The following SLIT3 variants were observed in gnomAD, a reference collection of about 807,000 sequenced individuals.
SLIT3 encodes slit homolog 3 protein.
In SLIT3, 68 loss-of-function variants were observed where a neutral mutation model predicts 184.0. The observed-to-expected ratio is 0.37, with a 90% CI of 0.30 to 0.45. SLIT3 has a LOEUF of 0.45. Among genes scored for constraint, SLIT3 ranks in the 20% least tolerant of loss-of-function variants. The probability of loss-of-function intolerance (pLI) is 1.00; values close to 1 mark genes in which losing one functional copy is unlikely to be tolerated. For missense variants in SLIT3, 1,707 were observed against 2,026.0 expected (o/e 0.84, Z 3.02); for synonymous variants, 831 against 828.6 (o/e 1.00, Z -0.05).
intron 4 of SLIT3, among the ~76,000 whole-genome samples, chr5:169,149,754 T>C (rs1762050762): frequency 6.6e-6 from 1 of 152,210 alleles, no homozygotes; most frequent in Non-Finnish European, 1.5e-5. Flanking sequence ...TCCAACAGAT[T>C]CTTCTCTCCC....
At chr5:169,288,949 C>T (rs1767250496) in intron 1 of SLIT3, among the ~76,000 whole-genome samples, 1 of 152,182 alleles carries the variant, frequency 6.6e-6, no homozygotes, top group Non-Finnish European at 1.5e-5. Context: ...TGATCGTCTT[C>T]CAGATACAGG....
At chr5:169,092,442 T>C (rs1487945469) in intron 4 of SLIT3, among the ~76,000 whole-genome samples, 1 of 152,182 alleles carries the variant, frequency 6.6e-6, no homozygotes, top group Non-Finnish European at 1.5e-5. Context: ...TTCCATCCCA[T>C]TCCATTTTTA....
At chr5:168,716,499 C>T (rs928302949) in intron 23 of SLIT3, among the ~76,000 whole-genome samples, 80 of 152,242 alleles carry the variant, frequency 5.3e-4, no homozygotes, top group African/African-American at 1.8e-3. Context: ...ATTGTTATCA[C>T]TGTCATGACT....
At chr5:169,055,644 T>A (rs1339200549) in intron 4 of SLIT3, among the ~76,000 whole-genome samples, 1 of 152,034 alleles carries the variant, frequency 6.6e-6, no homozygotes, top group Admixed American at 6.6e-5. Context: ...ATCGAGACCA[T>A]CCTGGCCAAC....
intron 4 of SLIT3, among the ~76,000 whole-genome samples, chr5:169,108,765 A>G (rs1156370714): frequency 6.6e-6 from 1 of 151,864 alleles, no homozygotes; most frequent in Non-Finnish European, 1.5e-5. Flanking sequence ...CACTCTCACT[A>G]CTCTGCAATG....
intron 4 of SLIT3, among the ~76,000 whole-genome samples, chr5:169,104,570 G>A (rs1462378181): frequency 6.6e-6 from 1 of 152,200 alleles, no homozygotes; most frequent in Admixed American, 6.5e-5. Context: ...TGGATTGGCA[G>A]GTCAGCTTTC....
chr5:168,896,948 A>C (rs1760684812), intron 4 of SLIT3, among the ~76,000 whole-genome samples: 1 of 152,156 alleles, frequency 6.6e-6, no homozygotes, highest in African/African-American at 2.4e-5. Flanking sequence ...GGTGAGCTTC[A>C]AAGGGGTCCA....
intron 6 of SLIT3, among the ~76,000 whole-genome samples, chr5:168,827,196 C>T (rs1389615032): frequency 6.6e-6 from 1 of 152,192 alleles, no homozygotes; most frequent in African/African-American, 2.4e-5. Flanking sequence ...GAATGAGGCC[C>T]ATGTTAGTTT....
intron 12 of SLIT3, among the ~76,000 whole-genome samples, chr5:168,780,085 C>T (rs1755916190): frequency 6.6e-6 from 1 of 152,256 alleles, no homozygotes; most frequent in African/African-American, 2.4e-5. Context: ...CATCAAAAAT[C>T]ACTTTGGCAA....
At chr5:168,907,383 G>A (rs1561999547) in intron 4 of SLIT3, among the ~76,000 whole-genome samples, 2 of 152,250 alleles carry the variant, frequency 1.3e-5, no homozygotes, top group South Asian at 2.1e-4. Context: ...TTGATTGGTT[G>A]CAAATGTACC....
At chr5:168,910,255 A>G (rs1761209775) in intron 4 of SLIT3, among the ~76,000 whole-genome samples, 1 of 152,238 alleles carries the variant, frequency 6.6e-6, no homozygotes, top group Non-Finnish European at 1.5e-5. Context: ...TTCTGTTGTC[A>G]TAGAGCAATC....
intron 20 of SLIT3, among the ~76,000 whole-genome samples, chr5:168,730,217 A>G (rs1313929189): frequency 6.6e-6 from 1 of 152,116 alleles, no homozygotes; most frequent in Non-Finnish European, 1.5e-5. Context: ...GGAGAACTCA[A>G]ATAACACAAA....
At chr5:169,130,938 G>C (rs757600259) in intron 4 of SLIT3, among the ~76,000 whole-genome samples, 1 of 152,080 alleles carries the variant, frequency 6.6e-6, no homozygotes, top group African/African-American at 2.4e-5. Flanking sequence ...TGCAATATGT[G>C]CCACATATAG....
Position 168,935,150 on chromosome 5 carries a change from CA to C in SLIT3, c.414-51815del, listed in dbSNP as rs1164978467. 1.4e-3 allele frequency among the ~76,000 whole-genome samples: 179 copies of C among 124,006 alleles called. 1 individual carries two copies. Among genetic ancestry groups the C allele is most frequent in the African/African-American group, 4.8e-3 (162 of 33,540 alleles). 81.4% of individuals were successfully genotyped at this position (124,006 alleles called of 152,430 possible). ...AAGACTCCGTCTCAAAAAAAAAAAACAAAAAAAAAAACCAACAACAAAAAAG... is the reference window on the plus strand; with the variant it reads ...AAGACTCCGTCTCAAAAAAAAAAAACAAAAAAAAAACCAACAACAAAAAAG... On this transcript the variant is annotated intron_variant, in intron 4 of 35. Coordinates refer to ENST00000519560, the MANE Select transcript of SLIT3 (RefSeq NM_003062.4).
intron 3 of SLIT3, among the ~76,000 whole-genome samples, chr5:169,235,442 T>C (rs1228862457): frequency 1.3e-5 from 2 of 152,242 alleles, no homozygotes; most frequent in African/African-American, 2.4e-5. Context: ...GCTGGGAAGA[T>C]AGTACTGAGA....
At chr5:169,269,282 C>T (rs1225008462) in intron 1 of SLIT3, among the ~76,000 whole-genome samples, 1 of 152,222 alleles carries the variant, frequency 6.6e-6, no homozygotes, top group East Asian at 1.9e-4. Context: ...ACTTATATAC[C>T]AACTCTTGTT....
At chr5:168,786,522 A>G (rs1756159366) in intron 11 of SLIT3, among the ~76,000 whole-genome samples, 2 of 152,078 alleles carry the variant, frequency 1.3e-5, no homozygotes, top group African/African-American at 4.8e-5. Context: ...CTCGGGAAAA[A>G]CCAGGGAGCT....
intron 20 of SLIT3, among the ~76,000 whole-genome samples, chr5:168,726,967 C>T (rs1176915275): frequency 6.7e-6 from 1 of 148,244 alleles, no homozygotes. Flanking sequence ...GCCAAGATTG[C>T]ACTACTACAC....
chr5:168,752,897 G>A (rs773063928), intron 18 of SLIT3, 58 bp downstream of exon 18: 30 of 1,540,290 alleles, frequency 1.9e-5, no homozygotes, highest in Non-Finnish European at 2.5e-5. Flanking sequence ...GCTGGGAGGA[G>A]AGAGCGCTGC....
Sources: gnomAD v4.1 joint callset for allele counts (sites outside exome capture counted in the v4.1 genomes callset) on GRCh38, gnomAD v4.1.1 for gene constraint, MANE v1.5 for transcripts, NCBI Gene and HGNC (gene_info 2026-07-23, HGNC 2026-07-21) for gene names.